ROCK1: variants seen among roughly 807,000 people sequenced by gnomAD.
ROCK1 encodes rho-associated protein kinase 1.
A neutral mutation model predicts 196.8 loss-of-function variants in ROCK1; 36 were observed. That is an observed-to-expected ratio of 0.18 (90% CI 0.14 to 0.24). The LOEUF is 0.24. ROCK1 is among the 10% of genes least tolerant of loss of function. The pLI is 1.00. For synonymous variants in ROCK1, 443 were observed against 515.9 expected, an observed-to-expected ratio of 0.86 and a Z score of 1.91; for missense variants, 920 against 1,562.0, an observed-to-expected ratio of 0.59 and a Z score of 6.93.
At chr18:20,969,053 ATAGG>A in intron 24 of ROCK1, 58 bp downstream of exon 24, 1 of 1,117,316 alleles carries the variant, frequency 9.0e-7, no homozygotes, top group South Asian at 1.3e-5. Flanking sequence ...CTAACACAAC[ATAGG>A]TAAAGATAAA....
chr18:21,106,087 G>C (rs1171212628), intron 1 of ROCK1, among the ~76,000 whole-genome samples: 1 of 152,248 alleles, frequency 6.6e-6, no homozygotes. Context: ...CACAGTGTTA[G>C]AACTCAACAG....
chr18:21,029,250 A>C (rs955859609), intron 9 of ROCK1, among the ~76,000 whole-genome samples: 1 of 152,208 alleles, frequency 6.6e-6, no homozygotes, highest in African/African-American at 2.4e-5. Context: ...AATACACAAA[A>C]GCATTCGGGA....
At chr18:21,004,883 G>A (rs2035755430) in intron 16 of ROCK1, among the ~76,000 whole-genome samples, 1 of 152,160 alleles carries the variant, frequency 6.6e-6, no homozygotes. Flanking sequence ...TGAGAAATAT[G>A]ATTGCACAAC....
intron 13 of ROCK1, among the ~76,000 whole-genome samples, chr18:21,013,741 C>T (rs1302795106): frequency 6.6e-6 from 1 of 152,056 alleles, no homozygotes; most frequent in Non-Finnish European, 1.5e-5. Context: ...GAAGTCTAGA[C>T]TTCCCACTCA....
intron 13 of ROCK1, 131 bp from the exon 14 acceptor site, chr18:21,008,325 C>T: frequency 1.6e-6 from 1 of 629,426 alleles, no homozygotes; most frequent in Non-Finnish European, 2.5e-6. Context: ...TGTTCTGTTT[C>T]AAACGCAAAT....
rs200435268 is a variant in ROCK1 at position 20,967,038 on chromosome 18, C to T, written c.3231G>A (p.Gln1077=). The T allele has an allele frequency of 5.1e-5, 83 of 1,613,210 alleles. No individual in the cohort carries two copies. The highest frequency in any genetic ancestry group is 2.2e-4 in the East Asian group (10 of 44,862). Residue 1077 remains glutamine (Q), a synonymous_variant, in exon 27 of 33, where the codon CAG becomes CAA. Coordinates refer to ENST00000399799, the MANE Select transcript of ROCK1 (RefSeq NM_005406.3). ...CACTCTCTTTGCTGGCCAACTGCAT[C>T]TGAAGCTCATTCCTATGTGCACATT... ...VEECAHRNEL[Q]MQLASKESDI...
intron 9 of ROCK1, among the ~76,000 whole-genome samples, chr18:21,030,483 A>T (rs2035996320): frequency 1.3e-5 from 2 of 152,204 alleles, no homozygotes; most frequent in African/African-American, 4.8e-5. Flanking sequence ...TCAGAAAGAG[A>T]GAACAGAGTA....
chr18:21,077,715 A>C (rs2036446054), intron 1 of ROCK1, among the ~76,000 whole-genome samples: 2 of 152,162 alleles, frequency 1.3e-5, no homozygotes, highest in Non-Finnish European at 2.9e-5. Context: ...AAATCCTGAG[A>C]AGATCCTAAG....
intron 27 of ROCK1, among the ~76,000 whole-genome samples, chr18:20,962,582 T>C (rs193201957): frequency 5.6e-4 from 85 of 152,294 alleles, no homozygotes; most frequent in African/African-American, 2.0e-3. Flanking sequence ...TAAGTTGTTA[T>C]ATGGTATGGC....
At chr18:20,981,121 G>A (rs1295819622) in intron 21 of ROCK1, among the ~76,000 whole-genome samples, 4 of 151,980 alleles carry the variant, frequency 2.6e-5, no homozygotes, top group South Asian at 2.1e-4. Flanking sequence ...AGGGCCGGGC[G>A]CAGTGGCTCA....
At chr18:20,956,915 A>G (rs904625909) in intron 29 of ROCK1, among the ~76,000 whole-genome samples, 2 of 152,232 alleles carry the variant, frequency 1.3e-5, no homozygotes, top group African/African-American at 2.4e-5. Flanking sequence ...GACATGAAAG[A>G]TTCTTGGTAT....
rs2143616199 is a variant in ROCK1 at position 21,111,099 on chromosome 18, G to A, written c.-189C>T. ...CCGCTCTCCAGACCCCGGGCCGGGG[G>A]CAACAGCGACCCACAGCCGCTCGGA... On this transcript the variant is annotated 5_prime_UTR_variant, in exon 1 of 33. Transcript: ENST00000399799. The surrounding 1 kb of genome is among the most constrained non-coding windows in gnomAD (Gnocchi z 4.2). The A allele has an allele frequency of 5.0e-6, 3 of 596,326 alleles. No individual in the cohort carries two copies. The highest frequency in any genetic ancestry group is 5.7e-5 in the East Asian group (2 of 35,262). 36.9% of individuals were successfully genotyped at this position (596,326 alleles called of 1,614,324 possible).
intron 9 of ROCK1, among the ~76,000 whole-genome samples, chr18:21,035,189 C>T (rs1172174362): frequency 1.3e-5 from 2 of 152,176 alleles, no homozygotes; most frequent in African/African-American, 4.8e-5. Context: ...ATGTGCACTG[C>T]CGTTGGGAAT....
chr18:21,040,192 T>G (rs142977503), intron 8 of ROCK1, among the ~76,000 whole-genome samples: 47 of 152,332 alleles, frequency 3.1e-4, no homozygotes, highest in East Asian at 1.3e-3. Flanking sequence ...TGACAGTTTT[T>G]TGTGTGTGTG....
chr18:21,106,509 T>C (rs867299761), intron 1 of ROCK1, among the ~76,000 whole-genome samples: 3 of 152,316 alleles, frequency 2.0e-5, no homozygotes, highest in African/African-American at 4.8e-5. Flanking sequence ...AAAGATTAAA[T>C]AGACTTAACT....
intron 23 of ROCK1, 93 bp from the exon 24 acceptor site, chr18:20,969,301 G>A: frequency 1.5e-6 from 1 of 685,624 alleles, no homozygotes; most frequent in Non-Finnish European, 2.5e-6. Context: ...GATAAAGACA[G>A]GTCAGACACT....
chr18:20,965,009 C>T lies in ROCK1; in HGVS notation c.3352+1908G>A, dbSNP rs143017242. On this transcript the variant is annotated intron_variant, in intron 27 of 32. Coordinates refer to ENST00000399799, the MANE Select transcript of ROCK1 (RefSeq NM_005406.3). Reference sequence around the variant, plus strand: ...CATATTTAACCCAATACTAAGAACACTAAGGTGCATATAAGGCATTATAAA... The same window carrying T: ...CATATTTAACCCAATACTAAGAACATTAAGGTGCATATAAGGCATTATAAA... Among the ~76,000 whole-genome samples the T allele has an allele frequency of 7.9e-5, 12 of 152,246 alleles. No individual in the cohort carries two copies. The South Asian group carries it at 2.5e-3, about 32-fold the overall frequency.
rs540996690 is a variant in ROCK1, at chr18:21,059,091, T to A, written c.176-9211A>T. The stretch of plus-strand genomic sequence containing the variant: ...CAAACTCCTCAACATGGCAAAAAAA[T>A]ATATATATATCATTAGTGACTGTCC... On this transcript the variant is annotated intron_variant, in intron 2 of 32. Transcript: ENST00000399799. 2.3e-3 allele frequency among the ~76,000 whole-genome samples: 354 copies of A among 152,020 alleles called. 1 individual carries two copies. Among genetic ancestry groups the A allele is most frequent in the South Asian group, 0.022 (106 of 4,822 alleles).
At chr18:21,078,767 G>A (rs1568403667) in intron 1 of ROCK1, among the ~76,000 whole-genome samples, 2 of 152,162 alleles carry the variant, frequency 1.3e-5, no homozygotes, top group Non-Finnish European at 2.9e-5. Context: ...GACTTTACAA[G>A]CTTGTAATGC....
Sources: gnomAD v4.1 joint callset for allele counts (sites outside exome capture counted in the v4.1 genomes callset) on GRCh38, gnomAD v4.1.1 for gene constraint, Gnocchi (gnomAD v3.1) non-coding constraint, MANE v1.5 for transcripts, NCBI Gene and HGNC (gene_info 2026-07-23, HGNC 2026-07-21) for gene names.